Variants in DCAF1 observed in about 807,000 individuals in gnomAD.
The protein encoded by DCAF1 is DDB1 and CUL4 associated factor 1.
In DCAF1, 15 loss-of-function variants were observed where a neutral mutation model predicts 128.0. That is an observed-to-expected ratio of 0.12 (90% CI 0.08 to 0.18). The LOEUF is 0.18. Ranked by LOEUF, DCAF1 falls within the 10% of genes least tolerant of loss-of-function variation. DCAF1 has a pLI of 1.00. For synonymous variants in DCAF1, 610 were observed against 603.0 expected, an observed-to-expected ratio of 1.01 and a Z score of -0.17; for missense variants, 988 against 1,649.5, an observed-to-expected ratio of 0.60 and a Z score of 6.95.
At chr3:51,458,776 A>C (rs1189694547) in intron 6 of DCAF1, among the ~76,000 whole-genome samples, 2 of 152,328 alleles carry the variant, frequency 1.3e-5, no homozygotes, top group East Asian at 3.9e-4. Context: ...AAAACTGCTC[A>C]ACTACATGAA....
At chr3:51,483,595 C>CT in intron 3 of DCAF1, 124 bp downstream of exon 3, 1 of 664,170 alleles carries the variant, frequency 1.5e-6, no homozygotes, top group South Asian at 2.2e-5. Flanking sequence ...ATTTTTGCTT[C>CT]TTTTTAAACT....
chr3:51,480,646 A>T (rs1035195529), intron 3 of DCAF1, among the ~76,000 whole-genome samples: 2 of 151,380 alleles, frequency 1.3e-5, no homozygotes, highest in Admixed American at 6.6e-5. Context: ...AGAGACTAAT[A>T]CTATGAGGGA....
At chr3:51,455,773 TG>T (rs1559533095) in intron 6 of DCAF1, among the ~76,000 whole-genome samples, 1 of 152,016 alleles carries the variant, frequency 6.6e-6, no homozygotes, top group Non-Finnish European at 1.5e-5. Flanking sequence ...GGCACGAGCC[TG>T]TAGTCCCAGC....
At chr3:51,478,096 C>G (rs1705706110) in intron 3 of DCAF1, among the ~76,000 whole-genome samples, 1 of 152,140 alleles carries the variant, frequency 6.6e-6, no homozygotes, top group Non-Finnish European at 1.5e-5. Context: ...CTCGACCTAC[C>G]TGGCTCAAGC....
chr3:51,466,815 A>C lies in DCAF1; in HGVS notation c.249T>G (p.Asp83Glu). ...HLLRILFKND[D>E]FMNALVNAYV... The stretch of plus-strand genomic sequence containing the variant: ...GAAGCAAACCTACTGCATTCATGAA[A>C]TCATCATTCTTGAAGAGTATTCTCA... The change falls in exon 5 of 25, where the codon GAT (aspartate) becomes GAG (glutamate). Residue 83 changes from aspartate to glutamate, a missense_variant. By Grantham distance (45) the Asp-to-Glu change is conservative. Around this residue, in one of 11 missense-constraint regions of DCAF1, gnomAD observed 210 missense variants for 260.2 expected, o/e 0.81. Coordinates refer to ENST00000684031, the MANE Select transcript of DCAF1 (RefSeq NM_001387579.1). 1 of 1,613,504 alleles carries C rather than the reference A, an allele frequency of 6.2e-7. No individual in the cohort carries two copies.
chr3:51,466,941 G>T, intron 4 of DCAF1, 65 bp from the exon 5 acceptor site: 2 of 1,501,944 alleles, frequency 1.3e-6, no homozygotes, highest in South Asian at 1.1e-5. Flanking sequence ...AAGCAACTTA[G>T]ACCTCTGGAA....
intron 2 of DCAF1, among the ~76,000 whole-genome samples, chr3:51,496,152 C>T (rs1384154278): frequency 2.0e-5 from 3 of 152,034 alleles, no homozygotes. Flanking sequence ...TTAGGCCGGG[C>T]GCAGTGGCTC....
At chr3:51,492,139 C>CAA (rs1416523153) in intron 2 of DCAF1, among the ~76,000 whole-genome samples, 2 of 144,886 alleles carry the variant, frequency 1.4e-5, no homozygotes, top group Admixed American at 7.1e-5. Flanking sequence ...AGCCTGGTGA[C>CAA]AGAGCAAGAC....
At chr3:51,425,342 C>T (rs1162252948) in intron 13 of DCAF1, among the ~76,000 whole-genome samples, 1 of 151,708 alleles carries the variant, frequency 6.6e-6, no homozygotes, top group Non-Finnish European at 1.5e-5. Flanking sequence ...CTTGGTGGTG[C>T]GTGTCTGTAA....
chr3:51,407,031 T>A (rs2090165509), intron 23 of DCAF1, among the ~76,000 whole-genome samples: 1 of 152,032 alleles, frequency 6.6e-6, no homozygotes, highest in South Asian at 2.1e-4. Flanking sequence ...TCGTCTCTAC[T>A]AAAATACAAA....
chr3:51,443,518 A>G (rs1377297520), intron 7 of DCAF1, among the ~76,000 whole-genome samples: 1 of 151,590 alleles, frequency 6.6e-6, no homozygotes, highest in Non-Finnish European at 1.5e-5. Flanking sequence ...TGAACCCGGG[A>G]GGCAGAGGTT....
intron 3 of DCAF1, among the ~76,000 whole-genome samples, chr3:51,472,684 G>A (rs1367376725): frequency 7.5e-6 from 1 of 133,718 alleles, no homozygotes; most frequent in Non-Finnish European, 1.6e-5. Context: ...TTTTTTTTTT[G>A]AGATGGAGTT....
intron 3 of DCAF1, among the ~76,000 whole-genome samples, chr3:51,472,583 T>C (rs1368472174): frequency 6.6e-6 from 1 of 152,080 alleles, no homozygotes; most frequent in South Asian, 2.1e-4. Context: ...TTGAACCATA[T>C]AATCTTTTTA....
At chr3:51,416,130 G>A (rs1341626216) in intron 18 of DCAF1, among the ~76,000 whole-genome samples, 1 of 151,748 alleles carries the variant, frequency 6.6e-6, no homozygotes, top group East Asian at 1.9e-4. Flanking sequence ...ATCCACTCAT[G>A]TATCCTCTAC....
upstream of DCAF1, among the ~76,000 whole-genome samples, chr3:51,504,058 G>A (rs574638028): frequency 3.5e-3 from 486 of 140,858 alleles, 2 homozygotes; most frequent in Non-Finnish European, 5.6e-3. Flanking sequence ...TTTTTTTTGA[G>A]ATGGAGTCTG....
chr3:51,398,241 C>T lies in DCAF1; in HGVS notation c.*528G>A, dbSNP rs972994471. The T allele has an allele frequency of 6.6e-6, 1 of 152,124 alleles. No homozygotes were observed. The highest frequency in any genetic ancestry group is 1.5e-5 in the Non-Finnish European group (1 of 68,006). 9.4% of individuals were successfully genotyped at this position (152,124 alleles called of 1,614,324 possible). Reference sequence around the variant, plus strand: ...TAATCCTTATCAATTTAAGAAACCACGATTTTCCTTTTCATTTAAATACGT... The same window carrying T: ...TAATCCTTATCAATTTAAGAAACCATGATTTTCCTTTTCATTTAAATACGT... On this transcript the variant is annotated 3_prime_UTR_variant, in exon 25 of 25. Coordinates refer to ENST00000684031, the MANE Select transcript of DCAF1 (RefSeq NM_001387579.1).
At chr3:51,419,353 C>G (rs1553631608) in intron 15 of DCAF1, among the ~76,000 whole-genome samples, 1 of 150,342 alleles carries the variant, frequency 6.7e-6, no homozygotes, top group East Asian at 1.9e-4. Flanking sequence ...AGAGAGACTC[C>G]GTCTCCAAAA....
At chr3:51,436,488 G>C (rs1700845626) in intron 9 of DCAF1, 1 of 510,052 alleles carries the variant, frequency 2.0e-6, no homozygotes, top group Admixed American at 2.0e-5. Flanking sequence ...TTTCTTTCTT[G>C]CTAGTAATTT....
At chr3:51,462,080 A>G (rs1428013285) in intron 6 of DCAF1, among the ~76,000 whole-genome samples, 1 of 151,988 alleles carries the variant, frequency 6.6e-6, no homozygotes, top group East Asian at 1.9e-4. Context: ...AAATTAAAAA[A>G]AAAAGAAAAG....
Sources: allele counts gnomAD v4.1 joint callset (sites outside exome capture counted in the v4.1 genomes callset), GRCh38; gene constraint gnomAD v4.1.1; regional missense constraint gnomAD v4.1.1; transcripts MANE v1.5; gene names NCBI Gene and HGNC (gene_info 2026-07-23, HGNC 2026-07-21).